Variants in DCP1B observed in about 807,000 individuals in gnomAD.
DCP1B encodes the protein decapping mRNA 1B, also known as mRNA-decapping enzyme 1B.
In DCP1B, 47 loss-of-function variants were observed where a neutral mutation model predicts 60.5. That is an observed-to-expected ratio of 0.78 (90% CI 0.61 to 0.99). DCP1B has a LOEUF of 0.99. Among genes scored for constraint, DCP1B ranks in the 50% least tolerant of loss-of-function variants. The pLI, the probability that DCP1B is intolerant of heterozygous loss-of-function variation, is 0.00. For missense variants in DCP1B, 725 were observed against 756.8 expected (o/e 0.96, Z 0.49); for synonymous variants, 267 against 280.3 (o/e 0.95, Z 0.47).
In DCP1B at chr12:1,954,026, T is replaced by A. The variant is rs562630831; in HGVS notation, c.652-738A>T. 3.9e-4 allele frequency among the ~76,000 whole-genome samples: 60 copies of A among 152,058 alleles called. 1 individual carries two copies. The highest frequency in any genetic ancestry group is 1.4e-3 in the African/African-American group (60 of 41,476). Reference sequence around the variant, plus strand: ...GGCAAAACCCCATCTCTACAAAAAATACAGAAATTGCCAGATGTGGCAGCA... The same window carrying A: ...GGCAAAACCCCATCTCTACAAAAAAAACAGAAATTGCCAGATGTGGCAGCA... On this transcript the variant is annotated intron_variant, in intron 6 of 8. Coordinates refer to ENST00000280665, the MANE Select transcript of DCP1B (RefSeq NM_152640.5).
intron 3 of DCP1B, among the ~76,000 whole-genome samples, chr12:1,968,590 A>G (rs1213776264): frequency 1.3e-5 from 2 of 152,174 alleles, no homozygotes; most frequent in Non-Finnish European, 2.9e-5. Flanking sequence ...CCATTTGCAC[A>G]TTTCATAAAC....
intron 3 of DCP1B, among the ~76,000 whole-genome samples, chr12:1,987,040 C>A (rs1212875889): frequency 6.6e-6 from 1 of 151,992 alleles, no homozygotes; most frequent in African/African-American, 2.4e-5. Context: ...CAGAACCACT[C>A]CAGAATTAAG....
In DCP1B at chr12:1,971,006, C is replaced by G; in HGVS notation, c.320-3096G>C. On this transcript the variant is annotated intron_variant, in intron 3 of 8. Coordinates refer to ENST00000280665, the MANE Select transcript of DCP1B (RefSeq NM_152640.5). The surrounding 1 kb of genome is among the most constrained non-coding windows in gnomAD (Gnocchi z 4.2). ...TTAAAAAATTATAAGAGATCATGAG[C>G]AGGATAATTATTTAGCTTTAAAAAT... 8.9e-7 allele frequency: 1 copy of G among 1,121,856 alleles called. No individual in the cohort carries two copies. Among genetic ancestry groups the G allele is most frequent in the African/African-American group, 1.6e-5 (1 of 61,678 alleles). The allele number at this position is 1,121,856 out of a possible 1,614,324, so 69.5% of individuals were successfully genotyped here. A position where few individuals can be genotyped will look rare whatever the true frequency, so the allele number is the denominator to read the frequency against.
chr12:1,965,041 AT>A (rs1296723377), intron 5 of DCP1B, among the ~76,000 whole-genome samples: 3 of 152,142 alleles, frequency 2.0e-5, no homozygotes, highest in African/African-American at 7.2e-5. Context: ...AACCAGTGGT[AT>A]TTATTTAGTG....
intron 3 of DCP1B, among the ~76,000 whole-genome samples, chr12:1,980,613 C>A (rs897612854): frequency 2.9e-5 from 4 of 135,742 alleles, no homozygotes; most frequent in Admixed American, 2.9e-4. Context: ...TAAAATTTAT[C>A]ATTTTTTGTT....
chr12:1,979,679 T>C (rs546620454), intron 3 of DCP1B, among the ~76,000 whole-genome samples: 7 of 152,368 alleles, frequency 4.6e-5, no homozygotes, highest in Admixed American at 3.9e-4. Context: ...TGTTTAAGTT[T>C]ATGAGAAATT....
At chr12:1,978,742 T>C (rs1004505036) in intron 3 of DCP1B, among the ~76,000 whole-genome samples, 3 of 152,230 alleles carry the variant, frequency 2.0e-5, no homozygotes, top group Non-Finnish European at 4.4e-5. Flanking sequence ...AGATTAGTTT[T>C]GCCTGTTCTT....
Position 1,994,717 on chromosome 12 carries a change from G to C in DCP1B, c.192-1326C>G, listed in dbSNP as rs185127516. On this transcript the variant is annotated intron_variant, in intron 2 of 8. Transcript: ENST00000280665. ...AATGGGATTAAGTGTTTTCATACAA[G>C]AATGAGAATTTGATTCTGCATGTAT... 2.4e-3 allele frequency among the ~76,000 whole-genome samples: 365 copies of C among 152,330 alleles called. 2 individuals are homozygous for C. The highest frequency in any genetic ancestry group is 8.5e-3 in the African/African-American group (355 of 41,580).
At chr12:1,991,377 C>T (rs2039372156) in intron 3 of DCP1B, 1 of 330,168 alleles carries the variant, frequency 3.0e-6, no homozygotes, top group Non-Finnish European at 6.0e-6. Context: ...TAGAACAGTG[C>T]CATTCAATAG....
chr12:1,956,478 C>T (rs1312762441), intron 5 of DCP1B, among the ~76,000 whole-genome samples: 1 of 152,216 alleles, frequency 6.6e-6, no homozygotes, highest in Non-Finnish European at 1.5e-5. Flanking sequence ...TTACAGTTAT[C>T]AATGTGTATT....
intron 8 of DCP1B, among the ~76,000 whole-genome samples, chr12:1,947,090 A>T (rs1422997424): frequency 6.6e-6 from 1 of 152,210 alleles, no homozygotes; most frequent in Non-Finnish European, 1.5e-5. Context: ...CATCAAAGCT[A>T]ATATAAGTCT....
intron 5 of DCP1B, among the ~76,000 whole-genome samples, chr12:1,957,389 A>G (rs1318929873): frequency 2.0e-5 from 3 of 152,238 alleles, no homozygotes; most frequent in Admixed American, 1.3e-4. Flanking sequence ...GAGATGTTTG[A>G]AACAAAATAC....
At chr12:1,976,774 A>G (rs2034497240) in intron 3 of DCP1B, among the ~76,000 whole-genome samples, 1 of 143,540 alleles carries the variant, frequency 7.0e-6, no homozygotes, top group African/African-American at 2.5e-5. Context: ...GAGGTGAAAA[A>G]GTGCAAAGCA....
chr12:1,957,154 T>C (rs2030914063), intron 5 of DCP1B, among the ~76,000 whole-genome samples: 1 of 152,248 alleles, frequency 6.6e-6, no homozygotes, highest in African/African-American at 2.4e-5. Flanking sequence ...TGTATGCTTT[T>C]CCCGACCTAA....
chr12:1,995,329 C>T (rs1006081534), intron 2 of DCP1B, among the ~76,000 whole-genome samples: 6 of 152,236 alleles, frequency 3.9e-5, no homozygotes, highest in Non-Finnish European at 4.4e-5. Context: ...TGAGTGAGAA[C>T]GCACCCTGTG....
chr12:1,955,647 T>G, intron 5 of DCP1B, 87 bp from the exon 6 acceptor site: 1 of 1,431,380 alleles, frequency 7.0e-7, no homozygotes, highest in African/African-American at 1.4e-5. Flanking sequence ...CTTATCTAAT[T>G]GGTAGACGGC....
At chr12:1,983,746 G>T (rs900997242) in intron 3 of DCP1B, among the ~76,000 whole-genome samples, 1 of 151,916 alleles carries the variant, frequency 6.6e-6, no homozygotes, top group African/African-American at 2.4e-5. Context: ...TTAGTTGATA[G>T]TGTTGTTCAA....
intron 3 of DCP1B, among the ~76,000 whole-genome samples, chr12:1,979,613 A>G (rs868482048): frequency 6.6e-5 from 10 of 152,348 alleles, no homozygotes; most frequent in African/African-American, 2.2e-4. Context: ...TGCCCAGCCC[A>G]TTTCTCTTAA....
At chr12:1,993,654 GTGTA>G (rs754786314) in intron 2 of DCP1B, among the ~76,000 whole-genome samples, 17 of 149,334 alleles carry the variant, frequency 1.1e-4, no homozygotes, top group Admixed American at 2.0e-4. Context: ...GTGTGTGTGT[GTGTA>G]TACAGATGTT....
Sources: allele counts gnomAD v4.1 joint callset (sites outside exome capture counted in the v4.1 genomes callset), GRCh38; gene constraint gnomAD v4.1.1; non-coding constraint Gnocchi (gnomAD v3.1); transcripts MANE v1.5; gene names NCBI Gene and HGNC (gene_info 2026-07-23, HGNC 2026-07-21).